DRC5: variants seen among roughly 807,000 people sequenced by gnomAD.
The protein encoded by DRC5 is dynein regulatory complex subunit 5.
the DRC5 span, chr6:44,278,891 A>ACACACC: frequency 6.6e-6 from 1 of 151,482 alleles, no homozygotes. Context: ...ACACACACAC[A>ACACACC]CACCCTCACA....
chr6:44,291,993 G>C, the DRC5 span, among the ~76,000 whole-genome samples: 6 of 151,926 alleles, frequency 3.9e-5, no homozygotes, highest in Non-Finnish European at 8.8e-5. Flanking sequence ...CTTAGCTCAG[G>C]GCCCCAGTGT....
chr6:44,294,004 CAG>C, the DRC5 span, among the ~76,000 whole-genome samples: 2 of 149,814 alleles, frequency 1.3e-5, no homozygotes, highest in African/African-American at 4.9e-5. Flanking sequence ...TTTTTTGAGA[CAG>C]AGTTTCGCTC....
chr6:44,292,069 T>C, the DRC5 span, among the ~76,000 whole-genome samples: 1 of 152,304 alleles, frequency 6.6e-6, no homozygotes, highest in African/African-American at 2.4e-5. Flanking sequence ...TTCTCTCACA[T>C]CTAGCCTTCA....
At chr6:44,285,332 A>G in the DRC5 span, among the ~76,000 whole-genome samples, 1 of 152,236 alleles carries the variant, frequency 6.6e-6, no homozygotes, top group African/African-American at 2.4e-5. Context: ...TTTCAGATAA[A>G]TAAGAACGCC....
the DRC5 span, among the ~76,000 whole-genome samples, chr6:44,294,013 G>A: frequency 1.3e-5 from 2 of 150,028 alleles, no homozygotes; most frequent in East Asian, 3.9e-4. Context: ...ACAGAGTTTC[G>A]CTCTTGTTGC....
the DRC5 span, chr6:44,287,413 G>A: frequency 2.1e-5 from 21 of 1,006,704 alleles, no homozygotes; most frequent in South Asian, 3.0e-4. Flanking sequence ...AGTGTTGAGT[G>A]GGTATGAGGA....
At chr6:44,295,962 T>C in the DRC5 span, among the ~76,000 whole-genome samples, 1 of 152,232 alleles carries the variant, frequency 6.6e-6, no homozygotes, top group African/African-American at 2.4e-5. Flanking sequence ...AAGATGTGTG[T>C]TAGATATTGT....
chr6:44,282,632 A>C, the DRC5 span: 1 of 1,421,488 alleles, frequency 7.0e-7, no homozygotes, highest in Non-Finnish European at 9.5e-7. Context: ...ATCTTTGGCA[A>C]ACTTGGCTCA....
At chr6:44,296,280 A>G in the DRC5 span, among the ~76,000 whole-genome samples, 5 of 152,190 alleles carry the variant, frequency 3.3e-5, no homozygotes, top group African/African-American at 1.2e-4. Context: ...TTGTTCACCA[A>G]TATGGAGCCC....
At chr6:44,283,667 T>C in the DRC5 span, among the ~76,000 whole-genome samples, 2 of 152,254 alleles carry the variant, frequency 1.3e-5, no homozygotes, top group Admixed American at 6.5e-5. Context: ...TGCATGCCTG[T>C]GCGCAAGCAA....
the DRC5 span, chr6:44,286,053 C>G: frequency 6.2e-7 from 1 of 1,614,118 alleles, no homozygotes. Context: ...AAATTCATGC[C>G]GCAGTCCTTG....
the DRC5 span, chr6:44,279,377 C>T: frequency 2.0e-5 from 3 of 152,172 alleles, no homozygotes; most frequent in Non-Finnish European, 2.9e-5. Context: ...GCCTTTTTGT[C>T]GTGGATTTAA....
the DRC5 span, chr6:44,286,592 T>A: frequency 2.0e-6 from 3 of 1,479,268 alleles, no homozygotes; most frequent in Non-Finnish European, 1.8e-6. Flanking sequence ...CTCAACATGA[T>A]GCCTCAGGCT....
chr6:44,287,795 A>T, the DRC5 span: 1 of 1,614,186 alleles, frequency 6.2e-7, no homozygotes, highest in East Asian at 2.2e-5. Context: ...CTGGGGTCCA[A>T]CAATGCTGAT....
chr6:44,288,119 T>C, the DRC5 span, among the ~76,000 whole-genome samples: 7 of 152,108 alleles, frequency 4.6e-5, no homozygotes, highest in African/African-American at 1.7e-4. Flanking sequence ...GCAGTTCCAG[T>C]AGGATTATTT....
At chr6:44,294,472 T>C in the DRC5 span, among the ~76,000 whole-genome samples, 21 of 151,924 alleles carry the variant, frequency 1.4e-4, no homozygotes, top group African/African-American at 4.8e-4. Context: ...AGGCGGGATA[T>C]GGTGGCTCAT....
At chr6:44,292,659 G>A in the DRC5 span, among the ~76,000 whole-genome samples, 4 of 152,188 alleles carry the variant, frequency 2.6e-5, no homozygotes, top group East Asian at 7.7e-4. Context: ...TTGTTGGGGG[G>A]TGGCTATCTG....
At chr6:44,283,455 C>T in the DRC5 span, among the ~76,000 whole-genome samples, 1 of 152,040 alleles carries the variant, frequency 6.6e-6, no homozygotes, top group Admixed American at 6.6e-5. Flanking sequence ...CCATGGGAAC[C>T]TCTCCCCCTC....
the DRC5 span, chr6:44,287,501 C>A: frequency 9.6e-6 from 15 of 1,554,870 alleles, no homozygotes; most frequent in Non-Finnish European, 1.1e-5. Context: ...ACCCACCTAG[C>A]CCCCCTCTTG....
Sources: gnomAD v4.1 joint callset for allele counts (sites outside exome capture counted in the v4.1 genomes callset) on GRCh38, gnomAD v4.1.1 for gene constraint, MANE v1.5 for transcripts, NCBI Gene and HGNC (gene_info 2026-07-23, HGNC 2026-07-21) for gene names.